Variants in ANKFN1 observed in about 807,000 individuals in gnomAD.
The protein encoded by ANKFN1 is ankyrin repeat and fibronectin type III domain containing 1.
In ANKFN1, 74 loss-of-function variants were observed where a neutral mutation model predicts 108.7. That is an observed-to-expected ratio of 0.68 (90% CI 0.56 to 0.83). The LOEUF (loss-of-function observed/expected upper bound fraction) is 0.83. ANKFN1 is among the 40% of genes least tolerant of loss of function. The pLI is 0.00. For synonymous variants in ANKFN1, 547 were observed against 516.2 expected (o/e 1.06, Z -0.81); for missense variants, 1,505 against 1,382.3 (o/e 1.09, Z -1.41).
intron 8 of ANKFN1, among the ~76,000 whole-genome samples, chr17:56,378,772 A>G (rs1225914738): frequency 1.3e-5 from 2 of 152,178 alleles, no homozygotes; most frequent in Non-Finnish European, 2.9e-5. Context: ...GGGTGAAAAT[A>G]TGAAAGTGGG....
intron 3 of ANKFN1, among the ~76,000 whole-genome samples, chr17:56,246,126 G>A (rs970170963): frequency 9.9e-5 from 15 of 152,110 alleles, no homozygotes; most frequent in Admixed American, 3.9e-4. Context: ...GTCAGTAGGA[G>A]TTACAATGTG....
intron 20 of ANKFN1, among the ~76,000 whole-genome samples, chr17:56,500,462 A>G (rs1303119836): frequency 6.6e-6 from 1 of 152,210 alleles, no homozygotes; most frequent in Non-Finnish European, 1.5e-5. Context: ...TAGAGATACA[A>G]ATCAAATATC....
In ANKFN1 at chr17:56,511,124, T is replaced by A; in HGVS notation, c.3296T>A (p.Val1099Glu). 1 of 1,535,982 alleles carries A rather than the reference T, an allele frequency of 6.5e-7. No individual in the cohort carries two copies. Reference protein sequence around the residue: ...RLYVEPYAAAVVAQDEKPWAS... With the variant: ...RLYVEPYAAAEVAQDEKPWAS... ...TACGTGGAGCCCTACGCAGCGGCCG[T>A]GGTGGCCCAGGACGAAAAACCATGG... The change falls in exon 21 of 21, where the codon GTG becomes GAG. Residue 1099 changes from valine (V) to glutamate (E), a missense_variant. Transcript: ENST00000682825.
At chr17:56,249,314 A>T (rs903377654) in intron 3 of ANKFN1, among the ~76,000 whole-genome samples, 2 of 152,020 alleles carry the variant, frequency 1.3e-5, no homozygotes, top group East Asian at 1.9e-4. Flanking sequence ...GGTGCCTGTA[A>T]TCCCAGATAC....
At chr17:56,287,062 A>G (rs1006130534) in intron 3 of ANKFN1, among the ~76,000 whole-genome samples, 2 of 152,166 alleles carry the variant, frequency 1.3e-5, no homozygotes, top group Admixed American at 1.3e-4. Flanking sequence ...GAGGTGTGTT[A>G]CAGTTGCAAG....
chr17:56,147,682 G>T (rs926999686), intron 4 of ANKFN1, among the ~76,000 whole-genome samples: 1 of 152,122 alleles, frequency 6.6e-6, no homozygotes, highest in Non-Finnish European at 1.5e-5. Context: ...ATGAGATTTT[G>T]GTGGGGACAC....
intron 8 of ANKFN1, among the ~76,000 whole-genome samples, chr17:56,404,732 C>A (rs909430691): frequency 6.6e-6 from 1 of 152,022 alleles, no homozygotes; most frequent in Non-Finnish European, 1.5e-5. Flanking sequence ...TATGGAAGAG[C>A]CTTGTTTTGT....
At chr17:56,323,481 G>A (rs952861253) in intron 3 of ANKFN1, 11 of 152,642 alleles carry the variant, frequency 7.2e-5, no homozygotes, top group African/African-American at 2.4e-4. Flanking sequence ...CGAACTCCAG[G>A]AAACAGCCAG....
intron 3 of ANKFN1, among the ~76,000 whole-genome samples, chr17:56,242,045 T>C (rs1917623636): frequency 6.7e-6 from 1 of 150,230 alleles, no homozygotes; most frequent in African/African-American, 2.4e-5. Flanking sequence ...AATTTTTCAC[T>C]TAATACTCTT....
At chr17:56,050,533 G>A (rs377491320) in intron 4 of ANKFN1, among the ~76,000 whole-genome samples, 2,139 of 146,788 alleles carry the variant, frequency 0.015, 24 homozygotes, top group Non-Finnish European at 0.018. Flanking sequence ...TAGGTCTAAC[G>A]TTTAAATCTT....
chr17:56,477,365 C>T, intron 15 of ANKFN1, 123 bp from the exon 16 acceptor site: 1 of 952,742 alleles, frequency 1.0e-6, no homozygotes, highest in Non-Finnish European at 1.5e-6. Flanking sequence ...AGGTTTCTCA[C>T]CTAATTACTT....
chr17:56,398,737 C>T (rs181407937), intron 8 of ANKFN1, among the ~76,000 whole-genome samples: 1 of 152,260 alleles, frequency 6.6e-6, no homozygotes, highest in East Asian at 1.9e-4. Context: ...CAAGTCATTA[C>T]TCTGCCACCT....
At position 56,444,147 on chromosome 17, in the gene ANKFN1, A is replaced by G. The variant is rs528447764; in HGVS notation, c.1099+1214A>G. Among the ~76,000 whole-genome samples the G allele has an allele frequency of 7.9e-5, 12 of 152,340 alleles. No individual in the cohort carries two copies. The South Asian group carries it at 2.3e-3, about 29-fold the overall frequency. ...TATTAATTTAGTATTAAAGTATGAT[A>G]TATCTATCTTTATATCAGTAACTAC... On this transcript the variant is annotated intron_variant, in intron 10 of 20. Transcript: ENST00000682825.
Position 56,374,629 on chromosome 17 carries a change from T to C in ANKFN1, c.825T>C (p.Cys275=). The part of the protein sequence containing the change: ...ARAPEMPTNV[C]LMVTSSTSLT... Reference sequence around the variant, plus strand: ...CCCCTGAGATGCCAACCAATGTCTGTCTCATGGTAACCAGCAGCACATCAC... The same window carrying C: ...CCCCTGAGATGCCAACCAATGTCTGCCTCATGGTAACCAGCAGCACATCAC... Residue 275 remains cysteine, a synonymous_variant, in exon 8 of 21, where the codon TGT becomes TGC. Coordinates refer to ENST00000682825, the MANE Select transcript of ANKFN1 (RefSeq NM_001370326.1). 6.2e-7 allele frequency: 1 copy of C among 1,613,954 alleles called. No homozygotes were observed. The highest frequency in any genetic ancestry group is 1.1e-5 in the South Asian group (1 of 91,078).
chr17:56,307,753 A>G (rs1339252748), intron 3 of ANKFN1, among the ~76,000 whole-genome samples: 2 of 152,224 alleles, frequency 1.3e-5, no homozygotes, highest in East Asian at 3.8e-4. Context: ...ATTATGAATC[A>G]TGCTACTATA....
At chr17:56,131,441 T>C (rs1907276688) in intron 4 of ANKFN1, among the ~76,000 whole-genome samples, 1 of 152,190 alleles carries the variant, frequency 6.6e-6, no homozygotes, top group African/African-American at 2.4e-5. Context: ...CAGAAATCTC[T>C]GAAGCCACCA....
chr17:56,466,516 C>G lies in ANKFN1; in HGVS notation c.1718C>G (p.Ser573Cys). ...TCAAAGCTGCAAAGCCAGAGAAAGTCTCTATCAACACCTGAGGAGCCAACA... is the reference window on the plus strand; with the variant it reads ...TCAAAGCTGCAAAGCCAGAGAAAGTGTCTATCAACACCTGAGGAGCCAACA... The part of the protein sequence containing the change: ...QISKLQSQRK[S>C]LSTPEEPTAL... The change falls in exon 15 of 21, where the codon TCT becomes TGT. Residue 573 changes from serine to cysteine, a missense_variant. Physicochemically the swap from Ser to Cys is moderately radical, Grantham distance 112. Transcript: ENST00000682825. The G allele has an allele frequency of 6.2e-7, 1 of 1,613,998 alleles. No individual in the cohort carries two copies. Among genetic ancestry groups the G allele is most frequent in the Non-Finnish European group, 8.5e-7 (1 of 1,179,962 alleles).
intron 1 of ANKFN1, among the ~76,000 whole-genome samples, chr17:56,195,921 T>C (rs1343906515): frequency 6.6e-6 from 1 of 152,162 alleles, no homozygotes; most frequent in Non-Finnish European, 1.5e-5. Context: ...AGTTCCTCCC[T>C]CAAATATTTT....
At chr17:56,203,487 A>G (rs1322001035) in intron 1 of ANKFN1, among the ~76,000 whole-genome samples, 1 of 152,168 alleles carries the variant, frequency 6.6e-6, no homozygotes, top group African/African-American at 2.4e-5. Context: ...GCCAGTCTCC[A>G]AACTGCCCAT....
Sources: allele counts gnomAD v4.1 joint callset (sites outside exome capture counted in the v4.1 genomes callset), GRCh38; gene constraint gnomAD v4.1.1; transcripts MANE v1.5; gene names NCBI Gene and HGNC (gene_info 2026-07-23, HGNC 2026-07-21).